Variants in PPFIBP2 observed in about 807,000 individuals in gnomAD.
PPFIBP2 encodes the protein liprin-beta-2.
Under a neutral mutation model 118.3 loss-of-function variants are expected in PPFIBP2, and 118 were observed. The ratio of observed to expected loss-of-function variants is 1.00; its 90% CI spans 0.86 to 1.16. The LOEUF is 1.16. Among genes scored for constraint, PPFIBP2 ranks in the 50% most tolerant of loss-of-function variants. PPFIBP2 has a pLI of 0.00. For missense variants in PPFIBP2, 1,195 were observed against 1,073.1 expected (o/e 1.11, Z -1.59); for synonymous variants, 414 against 397.4 (o/e 1.04, Z -0.50).
At chr11:7,601,268 A>G (rs1861376251) in intron 5 of PPFIBP2, among the ~76,000 whole-genome samples, 2 of 152,204 alleles carry the variant, frequency 1.3e-5, no homozygotes, top group East Asian at 1.9e-4. Context: ...TTGTCTACAC[A>G]TGAACTCATC....
chr11:7,653,696 TG>T lies in PPFIBP2; in HGVS notation c.*479del, dbSNP rs1854410296. The T allele has an allele frequency of 7.8e-7, 1 of 1,280,780 alleles. No homozygotes were observed. Among genetic ancestry groups the T allele is most frequent in the South Asian group, 1.3e-5 (1 of 79,368 alleles). The allele number at this position is 1,280,780 out of a possible 1,614,324, so 79.3% of individuals were successfully genotyped here. On this transcript the variant is annotated 3_prime_UTR_variant, in exon 24 of 24. Coordinates refer to ENST00000299492, the MANE Select transcript of PPFIBP2 (RefSeq NM_003621.5). ...TGCCACAGTGACAATGGAATTGTGT[TG>T]TGCCTTACTTCAGAGGTGGTCTCTT...
intron 23 of PPFIBP2, among the ~76,000 whole-genome samples, chr11:7,652,624 G>C (rs1452845851): frequency 6.6e-6 from 1 of 152,246 alleles, no homozygotes; most frequent in African/African-American, 2.4e-5. Context: ...CGCGCCTTTA[G>C]ATGGTGCCAG....
At chr11:7,634,995 A>T (rs778401090) in intron 13 of PPFIBP2, among the ~76,000 whole-genome samples, 1 of 152,118 alleles carries the variant, frequency 6.6e-6, no homozygotes, top group Non-Finnish European at 1.5e-5. Context: ...CCAAGGAAAG[A>T]TGTGGGATCG....
chr11:7,605,413 GCCA>G, intron 5 of PPFIBP2, among the ~76,000 whole-genome samples: 1 of 152,232 alleles, frequency 6.6e-6, no homozygotes, highest in Admixed American at 6.5e-5. Flanking sequence ...AAAGGAGTCA[GCCA>G]GAGACAAACA....
chr11:7,525,041 G>A (rs73407377), intron 1 of PPFIBP2, among the ~76,000 whole-genome samples: 40 of 152,254 alleles, frequency 2.6e-4, no homozygotes, highest in African/African-American at 9.2e-4. Flanking sequence ...CAATGCCCCG[G>A]GCAGGGATTA....
Position 7,653,359 on chromosome 11 carries a change from C to G in PPFIBP2, c.*141C>G, listed in dbSNP as rs1466114149. On this transcript the variant is annotated 3_prime_UTR_variant, in exon 24 of 24. Transcript: ENST00000299492. Reference sequence around the variant, plus strand: ...CAATTGTGTACCCCTGGGCCAGTCTCTTTGAACCCTGAGGGTGGCCAGGAT... The same window carrying G: ...CAATTGTGTACCCCTGGGCCAGTCTGTTTGAACCCTGAGGGTGGCCAGGAT... 9 of 1,487,104 alleles carry G rather than the reference C, an allele frequency of 6.1e-6. No individual in the cohort carries two copies. The African/African-American group carries it at 1.3e-4, about 21-fold the overall frequency. 92.1% of individuals were successfully genotyped at this position (1,487,104 alleles called of 1,614,324 possible).
intron 3 of PPFIBP2, among the ~76,000 whole-genome samples, chr11:7,587,768 A>G (rs1858468371): frequency 6.6e-6 from 1 of 152,238 alleles, no homozygotes; most frequent in Non-Finnish European, 1.5e-5. Flanking sequence ...ATTCAGAGGA[A>G]GGATTTCAAC....
At chr11:7,596,581 ACT>A (rs1860354120) in intron 4 of PPFIBP2, among the ~76,000 whole-genome samples, 1 of 152,220 alleles carries the variant, frequency 6.6e-6, no homozygotes, top group Non-Finnish European at 1.5e-5. Flanking sequence ...TTATCTAAAC[ACT>A]CATAAATGAA....
In PPFIBP2 at chr11:7,533,621, C is replaced by T. The variant is rs1005516398; in HGVS notation, c.-36-15819C>T. On this transcript the variant is annotated intron_variant, in intron 1 of 23. Coordinates refer to ENST00000299492, the MANE Select transcript of PPFIBP2 (RefSeq NM_003621.5). ...GGAGCAGAGCTGAGGCATCCAGCAC[C>T]TTCAGGGATGAGGGGTAATGGTGTT... Among the ~76,000 whole-genome samples, 3 of 152,188 alleles carry T rather than the reference C, an allele frequency of 2.0e-5. No homozygotes were observed. The East Asian group carries it at 5.8e-4, about 29-fold the overall frequency.
intron 1 of PPFIBP2, among the ~76,000 whole-genome samples, chr11:7,532,628 T>A (rs1211267530): frequency 6.6e-6 from 1 of 152,226 alleles, no homozygotes; most frequent in Non-Finnish European, 1.5e-5. Context: ...GGCTCCCGTG[T>A]GGCCCTCGGA....
chr11:7,627,986 G>A (rs1850245612), intron 8 of PPFIBP2, among the ~76,000 whole-genome samples: 1 of 152,164 alleles, frequency 6.6e-6, no homozygotes, highest in Admixed American at 6.5e-5. Flanking sequence ...TATATTCTTA[G>A]GAGATGTTGG....
At chr11:7,657,467 C>A (rs994734466), downstream of PPFIBP2, among the ~76,000 whole-genome samples, 47 of 152,118 alleles carry the variant, frequency 3.1e-4, no homozygotes, top group African/African-American at 1.1e-3. Context: ...CTGCCTCCAC[C>A]CAAGCTGACA....
chr11:7,612,641 A>G (rs1225199706), intron 6 of PPFIBP2, among the ~76,000 whole-genome samples: 2 of 152,344 alleles, frequency 1.3e-5, no homozygotes, highest in African/African-American at 2.4e-5. Flanking sequence ...CTGTTCATAC[A>G]TAAGGCGACG....
intron 6 of PPFIBP2, among the ~76,000 whole-genome samples, chr11:7,620,552 T>C (rs1849224293): frequency 6.6e-6 from 1 of 152,206 alleles, no homozygotes; most frequent in Non-Finnish European, 1.5e-5. Context: ...GCCTGCTTTC[T>C]ACTACTTTGC....
intron 6 of PPFIBP2, among the ~76,000 whole-genome samples, chr11:7,618,011 A>G (rs12291657): frequency 0.14 from 20,904 of 152,222 alleles, 1,896 homozygotes; most frequent in Non-Finnish European, 0.19. Context: ...CTCCTGTTGA[A>G]GAGGACTTGG....
intron 1 of PPFIBP2, among the ~76,000 whole-genome samples, chr11:7,547,238 G>A (rs547921818): frequency 5.9e-5 from 9 of 152,318 alleles, no homozygotes; most frequent in Middle Eastern, 6.8e-3. Context: ...TAAATCAGCT[G>A]TGCAGACAAC....
rs754248672 is a variant in PPFIBP2, at chr11:7,635,526, A to G, written c.1195-26A>G. Reference sequence around the variant, plus strand: ...ACACAAGTCTCTTTTTCTCCACATAAACGAAATCCTCATGTTACTCCATAG... The same window carrying G: ...ACACAAGTCTCTTTTTCTCCACATAGACGAAATCCTCATGTTACTCCATAG... On this transcript the variant is annotated intron_variant, in intron 13 of 23. Transcript: ENST00000299492. 2.6e-5 allele frequency: 41 copies of G among 1,598,108 alleles called. No individual in the cohort carries two copies. The South Asian group carries it at 4.2e-4, about 16-fold the overall frequency.
rs575072847 is a variant in PPFIBP2, at chr11:7,611,713, T to C, written c.618+1291T>C. Among the ~76,000 whole-genome samples, 3 of 152,372 alleles carry C rather than the reference T, an allele frequency of 2.0e-5. No individual in the cohort carries two copies. The South Asian group carries it at 6.2e-4, about 32-fold the overall frequency. On this transcript the variant is annotated intron_variant, in intron 6 of 23. Coordinates refer to ENST00000299492, the MANE Select transcript of PPFIBP2 (RefSeq NM_003621.5). ...ATACTTCCAATTTCTTTGGTTATTC[T>C]GAGGAGTGAATGAGACAATGTATGT...
At chr11:7,546,909 T>C (rs1320969141) in intron 1 of PPFIBP2, among the ~76,000 whole-genome samples, 1 of 152,218 alleles carries the variant, frequency 6.6e-6, no homozygotes, top group Non-Finnish European at 1.5e-5. Flanking sequence ...TCTCTTCCAC[T>C]AGATTGTGTG....
Sources: allele counts gnomAD v4.1 joint callset (sites outside exome capture counted in the v4.1 genomes callset), GRCh38; gene constraint gnomAD v4.1.1; transcripts MANE v1.5; gene names NCBI Gene and HGNC (gene_info 2026-07-23, HGNC 2026-07-21).